The following RGS5 variants were observed in gnomAD, a reference collection of about 807,000 sequenced individuals.
The protein encoded by RGS5 is regulator of G protein signaling 5.
Under a neutral mutation model 18.9 loss-of-function variants are expected in RGS5, and 20 were observed. The ratio of observed to expected loss-of-function variants is 1.06; its 90% CI spans 0.74 to 1.54. RGS5 has a LOEUF of 1.54. RGS5 is among the 40% of genes most tolerant of loss of function. The probability of loss-of-function intolerance (pLI) is 0.00; values close to 1 mark genes in which losing one functional copy is unlikely to be tolerated. For synonymous variants in RGS5, 57 were observed against 76.2 expected (o/e 0.75, Z 1.31); for missense variants, 201 against 211.8 (o/e 0.95, Z 0.32).
At chr1:163,150,727 C>T (rs1657339410) in intron 4 of RGS5, among the ~76,000 whole-genome samples, 1 of 152,156 alleles carries the variant, frequency 6.6e-6, no homozygotes, top group African/African-American at 2.4e-5. Flanking sequence ...CAGTACTGTA[C>T]ATTCTCATAC....
intron 2 of RGS5, among the ~76,000 whole-genome samples, chr1:163,232,800 G>T (rs181737029): frequency 3.3e-5 from 5 of 152,252 alleles, no homozygotes; most frequent in Admixed American, 6.5e-5. Flanking sequence ...AAGATCAGCA[G>T]AAAATGCATA....
intron 1 of RGS5, among the ~76,000 whole-genome samples, chr1:163,183,764 T>C (rs113656373): frequency 0.01 from 1,523 of 152,210 alleles, 10 homozygotes; most frequent in Non-Finnish European, 0.015. Context: ...AGGGATAGCT[T>C]CTCCCTGAGG....
chr1:163,285,672 T>C (rs964606329), intron 2 of RGS5, among the ~76,000 whole-genome samples: 1 of 152,118 alleles, frequency 6.6e-6, no homozygotes, highest in Admixed American at 6.6e-5. Context: ...AGGAGGGGCC[T>C]GGTGGGAGGT....
intron 2 of RGS5, among the ~76,000 whole-genome samples, chr1:163,305,490 G>A (rs544647976): frequency 2.6e-5 from 4 of 152,320 alleles, no homozygotes; most frequent in South Asian, 4.1e-4. Flanking sequence ...TTCACACAGA[G>A]CTTCAGAAAC....
intron 2 of RGS5, among the ~76,000 whole-genome samples, chr1:163,236,630 G>T (rs1051056399): frequency 7.9e-5 from 12 of 151,986 alleles, no homozygotes; most frequent in African/African-American, 2.9e-4. Context: ...AATATAATAG[G>T]AAAAACCCTT....
intron 2 of RGS5, among the ~76,000 whole-genome samples, chr1:163,279,057 C>A (rs1417157591): frequency 1.3e-5 from 2 of 151,972 alleles, no homozygotes; most frequent in Non-Finnish European, 2.9e-5. Context: ...AGAGCTAGAC[C>A]CTAATACAAC....
upstream of RGS5, among the ~76,000 whole-genome samples, chr1:163,218,050 T>A (rs921135640): frequency 2.0e-5 from 3 of 151,242 alleles, no homozygotes; most frequent in Non-Finnish European, 2.9e-5. Context: ...AAAAAAAAAA[T>A]TGTGTAATAT....
At chr1:163,279,212 A>G (rs1265020898) in intron 2 of RGS5, among the ~76,000 whole-genome samples, 2 of 152,152 alleles carry the variant, frequency 1.3e-5, no homozygotes, top group African/African-American at 4.8e-5. Flanking sequence ...CAACAGCTGC[A>G]GAATACACAT....
At chr1:163,305,979 T>C (rs544687966) in intron 2 of RGS5, among the ~76,000 whole-genome samples, 19 of 151,468 alleles carry the variant, frequency 1.3e-4, no homozygotes, top group African/African-American at 4.4e-4. Flanking sequence ...AAGTTGGCTA[T>C]ACAACTGTTT....
At chr1:163,247,995 G>A (rs949533422) in intron 2 of RGS5, among the ~76,000 whole-genome samples, 5 of 152,034 alleles carry the variant, frequency 3.3e-5, no homozygotes, top group South Asian at 2.1e-4. Flanking sequence ...TGTTTCTCCC[G>A]TGGAAAAGAA....
At chr1:163,281,741 A>G (rs926102672) in intron 2 of RGS5, among the ~76,000 whole-genome samples, 2 of 152,188 alleles carry the variant, frequency 1.3e-5, no homozygotes, top group East Asian at 1.9e-4. Flanking sequence ...ATCGAACAGC[A>G]TGGAGAACCC....
chr1:163,216,296 G>C (rs913592397), intron 1 of RGS5, among the ~76,000 whole-genome samples: 6 of 152,080 alleles, frequency 3.9e-5, no homozygotes, highest in South Asian at 2.1e-4. Flanking sequence ...AAGAGAGGGG[G>C]ACATGAGGCA....
chr1:163,202,730 C>A, intron 1 of RGS5, 62 bp downstream of exon 1: 1 of 1,506,064 alleles, frequency 6.6e-7, no homozygotes, highest in Non-Finnish European at 9.2e-7. Context: ...CACTGGGCAG[C>A]CTCCCTTGAG....
rs1657422518 is a variant in RGS5 at position 163,152,720 on chromosome 1, G to T, written c.218-4C>A. The T allele has an allele frequency of 5.7e-6, 9 of 1,566,358 alleles. No homozygotes were observed. The highest frequency in any genetic ancestry group is 1.8e-4 in the Middle Eastern group (1 of 5,688). Reference sequence around the variant, plus strand: ...CTTTTGAAACTGGCAAGTCCATCTGGAAAGAAAAAAACAGTCAGCTGGAGA... The same window carrying T: ...CTTTTGAAACTGGCAAGTCCATCTGTAAAGAAAAAAACAGTCAGCTGGAGA... On this transcript the variant is annotated splice_region_variant and splice_polypyrimidine_tract_variant and intron_variant, in intron 3 of 4. Transcript: ENST00000313961.
chr1:163,178,598 C>T (rs1226148280), intron 1 of RGS5, among the ~76,000 whole-genome samples: 2 of 152,058 alleles, frequency 1.3e-5, no homozygotes, highest in Non-Finnish European at 2.9e-5. Context: ...ACAAGGGGCT[C>T]TAGCTTCAAG....
intron 1 of RGS5, among the ~76,000 whole-genome samples, chr1:163,216,286 AAG>A (rs989855003): frequency 3.3e-5 from 5 of 152,128 alleles, no homozygotes; most frequent in Admixed American, 6.5e-5. Flanking sequence ...TTGCAAAGGC[AAG>A]AGAGGGGGAC....
In RGS5 at chr1:163,280,597, GAGGAAATAAATTA is replaced by G. The variant is rs150137853; in HGVS notation, c.-281+25623_-281+25635del. On this transcript the variant is annotated intron_variant, in intron 2 of 5. Coordinates refer to the RGS5 transcript ENST00000618415. The stretch of plus-strand genomic sequence containing the variant: ...TCTAGAAGGAAAACTGTGAAACACT[GAGGAAATAAATTA>G]AGAGCACAAAAAAAGTAAAAAAAAC... Among the ~76,000 whole-genome samples the G allele has an allele frequency of 4.7e-3, 711 of 151,602 alleles. 13 individuals carry two copies. The highest frequency in any genetic ancestry group is 0.016 in the African/African-American group (684 of 41,468).
intron 2 of RGS5, among the ~76,000 whole-genome samples, chr1:163,271,140 C>T (rs1571331995): frequency 6.6e-6 from 1 of 152,146 alleles, no homozygotes; most frequent in East Asian, 1.9e-4. Context: ...GCACTTCTTT[C>T]TGCCTCTATA....
chr1:163,319,812 C>T (rs546251259), intron 1 of RGS5, among the ~76,000 whole-genome samples: 3 of 152,190 alleles, frequency 2.0e-5, no homozygotes, highest in Non-Finnish European at 4.4e-5. Flanking sequence ...AGAAAGAATA[C>T]TAAAGTTTTC....
Sources: allele counts gnomAD v4.1 joint callset (sites outside exome capture counted in the v4.1 genomes callset), GRCh38; gene constraint gnomAD v4.1.1; transcripts MANE v1.5; gene names NCBI Gene and HGNC (gene_info 2026-07-23, HGNC 2026-07-21).